The following EPN3 variants were observed in gnomAD, a reference collection of about 807,000 sequenced individuals.
EPN3 encodes epsin-3.
Under a neutral mutation model 55.5 loss-of-function variants are expected in EPN3, and 56 were observed. The ratio of observed to expected loss-of-function variants is 1.01; its 90% CI spans 0.81 to 1.26. EPN3 has a LOEUF of 1.26. Among genes scored for constraint, EPN3 ranks in the 50% most tolerant of loss-of-function variants. The pLI, the probability that EPN3 is intolerant of heterozygous loss-of-function variation, is 0.00. For missense variants in EPN3, 927 were observed against 853.4 expected, an observed-to-expected ratio of 1.09 and a Z score of -1.07; for synonymous variants, 449 against 375.2, an observed-to-expected ratio of 1.20 and a Z score of -2.27.
Position 50,532,792 on chromosome 17 carries a change from T to C in EPN3, c.-330T>C. ...CGCACGCGGGAAGAGCTGCTACCCA[T>C]TCCAGGGACCCTGCCGCTGCCCCTC... On this transcript the variant is annotated 5_prime_UTR_variant, in exon 1 of 10. Coordinates refer to ENST00000268933, the MANE Select transcript of EPN3 (RefSeq NM_017957.3). The C allele has an allele frequency of 1.1e-6, 1 of 944,648 alleles. No homozygotes were observed. Among genetic ancestry groups the C allele is most frequent in the African/African-American group, 1.8e-5 (1 of 56,544 alleles). 58.5% of individuals were successfully genotyped at this position (944,648 alleles called of 1,614,324 possible).
chr17:50,541,052 C>G lies in EPN3; in HGVS notation c.1239C>G (p.Ser413=). 1 of 1,578,934 alleles carries G rather than the reference C, an allele frequency of 6.3e-7. No individual in the cohort carries two copies. The highest frequency in any genetic ancestry group is 1.1e-5 in the South Asian group (1 of 87,442). ...ADPWGASLET[S]DTPGGASTFD... is the part of the protein sequence containing the mutation. ...CTTGGGGAGCCTCCCTGGAGACCTC[C>G]GACACACCTGGTAAGAAGAGGGCCA... is the stretch of plus-strand genomic sequence containing the variant. The change falls in exon 7 of 10, where the codon TCC becomes TCG. Residue 413 remains serine, a synonymous_variant. Transcript: ENST00000268933.
At position 50,542,283 on chromosome 17, in the gene EPN3, G is replaced by C; in HGVS notation, c.*126G>C. 9.2e-7 allele frequency: 1 copy of C among 1,092,566 alleles called. No individual in the cohort carries two copies. Among genetic ancestry groups the C allele is most frequent in the African/African-American group, 1.7e-5 (1 of 59,798 alleles). 67.7% of individuals were successfully genotyped at this position (1,092,566 alleles called of 1,614,324 possible). A position where few individuals can be genotyped will look rare whatever the true frequency, so the allele number is the denominator to read the frequency against. ...GAGCCAGTGGCGGCTGGTATCCCGC[G>C]GCGGCTCTGGAAGCTGGACGCGGAC... is the stretch of plus-strand genomic sequence containing the variant. On this transcript the variant is annotated 3_prime_UTR_variant, in exon 10 of 10. Coordinates refer to ENST00000268933, the MANE Select transcript of EPN3 (RefSeq NM_017957.3).
At chr17:50,537,418 G>A (rs1181099770) in intron 2 of EPN3, 4 of 435,746 alleles carry the variant, frequency 9.2e-6, no homozygotes, top group Non-Finnish European at 1.7e-5. Flanking sequence ...CCTCCAAGCT[G>A]TGTGACCTGG....
At position 50,540,798 on chromosome 17, in the gene EPN3, AG is replaced by A. The variant is rs775140835; in HGVS notation, c.987del (p.Arg329SerfsTer35). On this transcript the variant is annotated frameshift_variant, in exon 7 of 10. Transcript: ENST00000268933. LOFTEE classifies it high-confidence loss of function. ...SADPWDIPGFRPNTEASGSSW... is the reference protein window; with the variant it reads ...SADPWDIPGFXPNTEASGSSW... ...CTATGCTGTTCCCATTTCAGGTTTT[AG>A]GCCGAACACAGAGGCCAGTGGATCC... The A allele has an allele frequency of 1.2e-5, 20 of 1,607,644 alleles. No homozygotes were observed. The East Asian group carries it at 4.5e-4, about 36-fold the overall frequency.
In EPN3 at chr17:50,532,774, G is replaced by A. The variant is rs980994623; in HGVS notation, c.-348G>A. On this transcript the variant is annotated 5_prime_UTR_variant, in exon 1 of 10. Transcript: ENST00000268933. ...CGCTGGCTAGGAGGCAAACGCACGC[G>A]GGAAGAGCTGCTACCCATTCCAGGG... is the stretch of plus-strand genomic sequence containing the variant. 6.8e-6 allele frequency: 5 copies of A among 732,936 alleles called. No homozygotes were observed. The highest frequency in any genetic ancestry group is 9.7e-6 in the Non-Finnish European group (5 of 513,774). 45.4% of individuals were successfully genotyped at this position (732,936 alleles called of 1,614,324 possible).
At position 50,543,052 on chromosome 17, in the gene EPN3, T is replaced by G. The variant is rs1292534007; in HGVS notation, c.*895T>G. The G allele has an allele frequency of 5.9e-5, 9 of 152,220 alleles. No individual in the cohort carries two copies. Among genetic ancestry groups the G allele is most frequent in the African/African-American group, 2.2e-4 (9 of 41,458 alleles). The allele number at this position is 152,220 out of a possible 1,614,324, so 9.4% of individuals were successfully genotyped here. ...GAGATCCCAGGCTGGGCCCCAGATT[T>G]AATTCAGCAAATATTGACTGACTGC... is the stretch of plus-strand genomic sequence containing the variant. On this transcript the variant is annotated 3_prime_UTR_variant, in exon 10 of 10. Transcript: ENST00000268933.
Position 50,542,057 on chromosome 17 carries a change from C to G in EPN3, c.1799C>G (p.Pro600Arg). The G allele has an allele frequency of 1.9e-6, 3 of 1,592,446 alleles. No individual in the cohort carries two copies. Among genetic ancestry groups the G allele is most frequent in the Non-Finnish European group, 2.5e-6 (3 of 1,177,456 alleles). Residue 600 changes from proline (P) to arginine (R), a missense_variant, in exon 10 of 10, where the codon CCG (proline) becomes CGG (arginine). Pro to Arg is a moderately radical substitution (Grantham distance 103). Coordinates refer to ENST00000268933, the MANE Select transcript of EPN3 (RefSeq NM_017957.3). ...CTCCCCGCCTCGGTTAGCGTCTTCCCGCAGGCCGGAGCCTTCGCACCGCAG... is the reference window on the plus strand; with the variant it reads ...CTCCCCGCCTCGGTTAGCGTCTTCCGGCAGGCCGGAGCCTTCGCACCGCAG... ...LTLPASVSVF[P>R]QAGAFAPQPL...
chr17:50,536,843 G>C lies in EPN3; in HGVS notation c.287G>C (p.Cys96Ser), dbSNP rs1196496135. The C allele has an allele frequency of 1.2e-6, 2 of 1,613,992 alleles. No individual in the cohort carries two copies. Among genetic ancestry groups the C allele is most frequent in the Admixed American group, 3.3e-5 (2 of 60,006 alleles). The change falls in exon 2 of 10, where the codon TGC becomes TCC. Residue 96 changes from cysteine (C) to serine (S), a missense_variant. Coordinates refer to ENST00000268933, the MANE Select transcript of EPN3 (RefSeq NM_017957.3). ...KTGSERVAHQ[C>S]RENLYTIQTL... ...GGCTCCGAGCGGGTGGCCCACCAGTGCCGCGAGAACCTCTACACCATCCAG... is the reference window on the plus strand; with the variant it reads ...GGCTCCGAGCGGGTGGCCCACCAGTCCCGCGAGAACCTCTACACCATCCAG...
chr17:50,538,011 T>G, intron 2 of EPN3, 68 bp from the exon 3 acceptor site: 3 of 1,303,954 alleles, frequency 2.3e-6, no homozygotes, highest in Non-Finnish European at 3.3e-6. Context: ...CTCAGCTTCC[T>G]GGCAGGCAGA....
At chr17:50,537,856 C>T (rs757251213) in intron 2 of EPN3, 22 of 495,926 alleles carry the variant, frequency 4.4e-5, no homozygotes, top group South Asian at 6.6e-5. Flanking sequence ...CCCTAAGTGC[C>T]GCCTGTGCAT....
At chr17:50,537,286 T>C (rs995739579) in intron 2 of EPN3, 168 bp downstream of exon 2, 4 of 678,792 alleles carry the variant, frequency 5.9e-6, no homozygotes, top group African/African-American at 1.8e-5. Context: ...TAGGAGGTGC[T>C]CAACAAGTTA....
rs182379102 is a variant in EPN3 at position 50,543,547 on chromosome 17, G to C, written c.*1390G>C. The C allele has an allele frequency of 4.6e-5, 7 of 152,346 alleles. No homozygotes were observed. Among genetic ancestry groups the C allele is most frequent in the Admixed American group, 3.3e-4 (5 of 15,294 alleles). 9.4% of individuals were successfully genotyped at this position (152,346 alleles called of 1,614,324 possible). A position where few individuals can be genotyped will look rare whatever the true frequency, so the allele number is the denominator to read the frequency against. On this transcript the variant is annotated 3_prime_UTR_variant, in exon 10 of 10. Coordinates refer to ENST00000268933, the MANE Select transcript of EPN3 (RefSeq NM_017957.3). ...TTCCACCAGAGTCGGTGAGTGGAGA[G>C]GCACAATGCCACTCCCCTTCCTGAG...
rs11653948 is a variant in EPN3 at position 50,538,203 on chromosome 17, G to A, written c.681+6G>A. 25 of 1,605,614 alleles carry A rather than the reference G, an allele frequency of 1.6e-5. No homozygotes were observed. The Middle Eastern group carries it at 4.9e-4, about 32-fold the overall frequency. On this transcript the variant is annotated splice_donor_region_variant and intron_variant, in intron 3 of 9. Transcript: ENST00000268933. ...GCCGTGAGGAGGCAGAGAAGGTGAG[G>A]CCATGCAGCCCCACTGCGGTGGGGA...
Position 50,532,845 on chromosome 17 carries a change from G to C in EPN3, c.-277G>C, listed in dbSNP as rs1221894946. The C allele has an allele frequency of 5.5e-6, 7 of 1,272,452 alleles. 1 individual carries two copies. In the South Asian group the frequency reaches 8.7e-5, roughly 16 times the overall value. 78.8% of individuals were successfully genotyped at this position (1,272,452 alleles called of 1,614,324 possible). A position where few individuals can be genotyped will look rare whatever the true frequency, so the allele number is the denominator to read the frequency against. On this transcript the variant is annotated 5_prime_UTR_variant, in exon 1 of 10. Transcript: ENST00000268933. ...AGGGGTCTGCACCTCCTGGGAGCAGGTGGGTCTCTGGGACGAGGGTCCATG... is the reference window on the plus strand; with the variant it reads ...AGGGGTCTGCACCTCCTGGGAGCAGCTGGGTCTCTGGGACGAGGGTCCATG...
Position 50,538,865 on chromosome 17 carries a change from C to A in EPN3, c.682-19C>A, listed in dbSNP as rs1443686429. 4 of 1,562,984 alleles carry A rather than the reference C, an allele frequency of 2.6e-6. No homozygotes were observed. The highest frequency in any genetic ancestry group is 3.5e-6 in the Non-Finnish European group (4 of 1,151,220). ...AGGTGGGGGTACAGGGCCAAGTTTA[C>A]CCCTCTCTTCCTCCGCAGCCTGTCC... On this transcript the variant is annotated intron_variant, in intron 3 of 9. Coordinates refer to ENST00000268933, the MANE Select transcript of EPN3 (RefSeq NM_017957.3).
rs751691352 is a variant in EPN3 at position 50,539,174 on chromosome 17, G to T, written c.763-13G>T. 6.2e-7 allele frequency: 1 copy of T among 1,613,574 alleles called. No individual in the cohort carries two copies. The highest frequency in any genetic ancestry group is 1.3e-5 in the African/African-American group (1 of 75,036). On this transcript the variant is annotated splice_polypyrimidine_tract_variant and intron_variant, in intron 4 of 9. Transcript: ENST00000268933. ...GCTGCTCATGCTCCTAACTCTTTCT[G>T]TGCCTTCTGCAGGAGGTGAGGTCCT...
At position 50,542,860 on chromosome 17, in the gene EPN3, CA is replaced by C; in HGVS notation, c.*704del. 6.6e-6 allele frequency: 1 copy of C among 152,202 alleles called. No homozygotes were observed. The highest frequency in any genetic ancestry group is 1.9e-4 in the East Asian group (1 of 5,194). The allele number at this position is 152,202 out of a possible 1,614,324, so 9.4% of individuals were successfully genotyped here. A position where few individuals can be genotyped will look rare whatever the true frequency, so the allele number is the denominator to read the frequency against. ...AGAGCATGAAACCAAGCGCAAAGCC[CA>C]CTGCAGTGCGATTGCACAGGTATCT... On this transcript the variant is annotated 3_prime_UTR_variant, in exon 10 of 10. Coordinates refer to ENST00000268933, the MANE Select transcript of EPN3 (RefSeq NM_017957.3).
chr17:50,540,404 G>A, intron 6 of EPN3, 70 bp downstream of exon 6: 1 of 1,444,464 alleles, frequency 6.9e-7, no homozygotes, highest in Non-Finnish European at 9.4e-7. Flanking sequence ...CCACTTGCTG[G>A]GCCAAGCACC....
chr17:50,533,341 C>T (rs1037604802), intron 1 of EPN3, among the ~76,000 whole-genome samples: 1 of 152,182 alleles, frequency 6.6e-6, no homozygotes, highest in Non-Finnish European at 1.5e-5. Flanking sequence ...CTTCTGTGCT[C>T]CCGGGATGCA....
Sources: gnomAD v4.1 joint callset for allele counts (sites outside exome capture counted in the v4.1 genomes callset) on GRCh38, gnomAD v4.1.1 for gene constraint, MANE v1.5 for transcripts, NCBI Gene and HGNC (gene_info 2026-07-23, HGNC 2026-07-21) for gene names.